TTBK2: variants seen among roughly 807,000 people sequenced by gnomAD.
TTBK2 encodes tau tubulin kinase 2, also known as tau-tubulin kinase 2.
In TTBK2, 28 loss-of-function variants were observed where a neutral mutation model predicts 110.8. That is an observed-to-expected ratio of 0.25 (90% CI 0.19 to 0.35). The LOEUF (loss-of-function observed/expected upper bound fraction) is 0.35, where lower values mean the gene tolerates loss of function less well. Among genes scored for constraint, TTBK2 ranks in the 10% least tolerant of loss-of-function variants. The pLI is 1.00. For synonymous variants in TTBK2, 532 were observed against 527.3 expected (o/e 1.01, Z -0.12); for missense variants, 1,369 against 1,500.3 (o/e 0.91, Z 1.45).
At chr15:42,906,779 GACAAGGAGTTA>G (rs2030425777) in intron 1 of TTBK2, among the ~76,000 whole-genome samples, 1 of 152,056 alleles carries the variant, frequency 6.6e-6, no homozygotes, top group South Asian at 2.1e-4. Context: ...CTATCCATCT[GACAAGGAGTTA>G]ACCAGAATAT....
chr15:42,913,840 C>T (rs1169573509), intron 1 of TTBK2, among the ~76,000 whole-genome samples: 1 of 152,168 alleles, frequency 6.6e-6, no homozygotes, highest in African/African-American at 2.4e-5. Context: ...TAAACAAAAT[C>T]ATTCCTCGGG....
intron 6 of TTBK2, among the ~76,000 whole-genome samples, chr15:42,820,382 A>T (rs1398205170): frequency 1.3e-5 from 2 of 152,202 alleles, no homozygotes; most frequent in African/African-American, 4.8e-5. Context: ...GAGAGGAAGG[A>T]CAAGTCTTAG....
chr15:42,885,411 C>T (rs2141149816), intron 1 of TTBK2, among the ~76,000 whole-genome samples: 1 of 152,368 alleles, frequency 6.6e-6, no homozygotes. Context: ...ACCCTTCAAT[C>T]TCTCCTTCTC....
At chr15:42,755,474 C>T (rs1348317376) in intron 13 of TTBK2, among the ~76,000 whole-genome samples, 1 of 151,932 alleles carries the variant, frequency 6.6e-6, no homozygotes, top group Non-Finnish European at 1.5e-5. Flanking sequence ...AGCTCATTGA[C>T]ATGTAAAGCT....
intron 1 of TTBK2, among the ~76,000 whole-genome samples, chr15:42,908,872 T>C (rs769098870): frequency 5.3e-5 from 8 of 152,198 alleles, no homozygotes; most frequent in Non-Finnish European, 1.0e-4. Context: ...ACAACCCAAA[T>C]GTCCAGCAAG....
intron 1 of TTBK2, among the ~76,000 whole-genome samples, chr15:42,912,218 T>A (rs774565978): frequency 2.0e-5 from 3 of 152,046 alleles, no homozygotes; most frequent in Admixed American, 2.0e-4. Context: ...GTCGGCAAGG[T>A]GGCACAGGGT....
At chr15:42,911,942 C>T (rs1048475872) in intron 1 of TTBK2, among the ~76,000 whole-genome samples, 4 of 145,356 alleles carry the variant, frequency 2.8e-5, no homozygotes, top group African/African-American at 5.5e-5. Flanking sequence ...CTAACACTAA[C>T]GATAGCTGAT....
chr15:42,754,540 G>C (rs1054653139), intron 13 of TTBK2, among the ~76,000 whole-genome samples: 89 of 151,586 alleles, frequency 5.9e-4, no homozygotes, highest in African/African-American at 2.1e-3. Context: ...GGGATTACAG[G>C]TGCCCACCAC....
chr15:42,783,510 G>A lies in TTBK2; in HGVS notation c.1106C>T (p.Pro369Leu), dbSNP rs1890265897. ...IPVGVSPDKL[P>L]GSLGHPRPQE... is the part of the protein sequence containing the mutation. ...GGGACGGGGGTGTCCCAGAGATCCA[G>A]GCAATTTATCTGGTGACACACCAAC... The change falls in exon 11 of 15, where the codon CCT (proline) becomes CTT (leucine). Residue 369 changes from proline to leucine, a missense_variant. Coordinates refer to ENST00000267890, the MANE Select transcript of TTBK2 (RefSeq NM_173500.4). 1 of 1,614,048 alleles carries A rather than the reference G, an allele frequency of 6.2e-7. No individual in the cohort carries two copies. The highest frequency in any genetic ancestry group is 1.3e-5 in the African/African-American group (1 of 74,904).
chr15:42,810,825 T>C (rs1891679508), intron 8 of TTBK2, 86 bp from the exon 9 acceptor site: 1 of 1,484,546 alleles, frequency 6.7e-7, no homozygotes, highest in Non-Finnish European at 9.3e-7. Flanking sequence ...CTCAAGGGTA[T>C]GTACTAGGGA....
At chr15:42,854,044 T>C (rs1340107164) in intron 3 of TTBK2, among the ~76,000 whole-genome samples, 1 of 152,072 alleles carries the variant, frequency 6.6e-6, no homozygotes, top group African/African-American at 2.4e-5. Context: ...CAAGTGATCC[T>C]CCTACCTTAG....
chr15:42,749,296 C>T (rs1159646557), intron 14 of TTBK2, among the ~76,000 whole-genome samples: 2 of 152,198 alleles, frequency 1.3e-5, no homozygotes, highest in African/African-American at 4.8e-5. Context: ...GAATCTGTCT[C>T]CCCACCTAGG....
chr15:42,888,774 T>C (rs1474916629), intron 1 of TTBK2, among the ~76,000 whole-genome samples: 1 of 151,604 alleles, frequency 6.6e-6, no homozygotes, highest in Non-Finnish European at 1.5e-5. Flanking sequence ...GAAGCTGGAG[T>C]CATTCACTGC....
intron 1 of TTBK2, among the ~76,000 whole-genome samples, chr15:42,899,345 C>T (rs1895792124): frequency 6.6e-6 from 1 of 152,004 alleles, no homozygotes; most frequent in Non-Finnish European, 1.5e-5. Flanking sequence ...CCTGTAATCC[C>T]AGGACTTTTG....
intron 1 of TTBK2, among the ~76,000 whole-genome samples, chr15:42,881,084 C>A (rs1004488670): frequency 6.6e-6 from 1 of 151,842 alleles, no homozygotes; most frequent in South Asian, 2.1e-4. Context: ...GAGTTCGAGA[C>A]CAGCCTGGGC....
At chr15:42,856,214 A>G (rs1276472061) in intron 3 of TTBK2, among the ~76,000 whole-genome samples, 2 of 152,186 alleles carry the variant, frequency 1.3e-5, no homozygotes, top group Admixed American at 6.5e-5. Flanking sequence ...ATTCTTCCCA[A>G]CAATAATAAC....
chr15:42,867,860 T>C (rs188416341), intron 3 of TTBK2, among the ~76,000 whole-genome samples: 27 of 152,354 alleles, frequency 1.8e-4, no homozygotes, highest in Admixed American at 1.6e-3. Context: ...AGAAAACTTA[T>C]ATCCACACAA....
chr15:42,790,459 A>AT (rs1170566532), intron 10 of TTBK2, among the ~76,000 whole-genome samples: 3 of 148,446 alleles, frequency 2.0e-5, no homozygotes, highest in Admixed American at 6.7e-5. Flanking sequence ...TAATTTTTGT[A>AT]TTTTTTGTAG....
intron 11 of TTBK2, among the ~76,000 whole-genome samples, chr15:42,780,764 G>A (rs191237367): frequency 4.1e-4 from 62 of 152,220 alleles, no homozygotes; most frequent in African/African-American, 1.5e-3. Flanking sequence ...TCAGGAGTTC[G>A]AGACCATCCT....
Sources: allele counts gnomAD v4.1 joint callset (sites outside exome capture counted in the v4.1 genomes callset), GRCh38; gene constraint gnomAD v4.1.1; transcripts MANE v1.5; gene names NCBI Gene and HGNC (gene_info 2026-07-23, HGNC 2026-07-21).